The following ABCB4 variants were observed in gnomAD, a reference collection of about 807,000 sequenced individuals.
ABCB4 encodes ATP binding cassette subfamily B member 4.
In ABCB4, 76 loss-of-function variants were observed where a neutral mutation model predicts 145.7. That is an observed-to-expected ratio of 0.52 (90% confidence interval 0.43 to 0.63). The LOEUF (loss-of-function observed/expected upper bound fraction) is 0.63, where lower values mean the gene tolerates loss of function less well. Ranked by LOEUF, ABCB4 falls within the 30% of genes least tolerant of loss-of-function variation. The pLI, the probability that ABCB4 is intolerant of heterozygous loss-of-function variation, is 0.00. For missense variants in ABCB4, 1,234 were observed against 1,553.1 expected (o/e 0.79, Z 3.45); for synonymous variants, 517 against 566.8 (o/e 0.91, Z 1.25).
intron 25 of ABCB4, among the ~76,000 whole-genome samples, chr7:87,407,704 T>C (rs1440895162): frequency 6.6e-6 from 1 of 152,158 alleles, no homozygotes; most frequent in Non-Finnish European, 1.5e-5. Context: ...GTTTTGGAAG[T>C]CAGCTTTGAA....
intron 27 of ABCB4, among the ~76,000 whole-genome samples, 161 bp downstream of exon 27, chr7:87,402,974 G>A (rs1001633902): frequency 1.8e-4 from 27 of 152,150 alleles, no homozygotes; most frequent in African/African-American, 6.0e-4. Context: ...CTACAGCCTA[G>A]GCAACAACGA....
chr7:87,406,990 C>T (rs1808246498), intron 25 of ABCB4, among the ~76,000 whole-genome samples: 1 of 152,204 alleles, frequency 6.6e-6, no homozygotes, highest in Non-Finnish European at 1.5e-5. Flanking sequence ...AACTTTCCCT[C>T]ACCTCTCTGA....
At chr7:87,419,808 A>C (rs28583001) in intron 19 of ABCB4, among the ~76,000 whole-genome samples, 190 bp downstream of exon 19, 1 of 151,904 alleles carries the variant, frequency 6.6e-6, no homozygotes, top group Admixed American at 6.5e-5. Context: ...AAAAACAAAA[A>C]AAAAACAAAA....
the ABCB4 span, among the ~76,000 whole-genome samples, chr7:87,386,250 T>G: frequency 6.6e-6 from 1 of 152,202 alleles, no homozygotes; most frequent in Non-Finnish European, 1.5e-5. Context: ...GTATTAGTTC[T>G]TTTTTTAAAG....
intron 10 of ABCB4, 64 bp downstream of exon 10, chr7:87,444,798 A>G: frequency 7.9e-7 from 1 of 1,270,216 alleles, no homozygotes; most frequent in South Asian, 1.3e-5. Flanking sequence ...TATGCAAACT[A>G]AAGCCAGATT....
Position 87,475,640 on chromosome 7 carries a change from C to A in ABCB4, c.-13G>T. On this transcript the variant is annotated 5_prime_UTR_variant, in exon 1 of 28. Transcript: ENST00000649586. ...GCGCCCGGACCTCTCTCACCTCGAACCTCGCGCGTGTCTGGCAGGGCCTCT... is the reference window on the plus strand; with the variant it reads ...GCGCCCGGACCTCTCTCACCTCGAAACTCGCGCGTGTCTGGCAGGGCCTCT... 1 of 675,326 alleles carries A rather than the reference C, an allele frequency of 1.5e-6. No individual in the cohort carries two copies. 41.8% of individuals were successfully genotyped at this position (675,326 alleles called of 1,614,324 possible).
At position 87,444,899 on chromosome 7, in the gene ABCB4, C is replaced by A; in HGVS notation, c.1082G>T (p.Arg361Ile). The part of the protein sequence containing the change: ...APCIDAFANA[R>I]GAAYVIFDII... ...ATCAAAGATCACATATGCTGCTCCT[C>A]TTGCATTGGCAAAAGCATCAATACA... The change falls in exon 10 of 28, where the codon AGA (arginine) becomes ATA (isoleucine). Residue 361 changes from arginine to isoleucine, a missense_variant. This residue lies in a region of ABCB4 where 467 missense variants were observed against 632.8 expected (regional missense o/e 0.74). Transcript: ENST00000649586. 1 of 1,609,422 alleles carries A rather than the reference C, an allele frequency of 6.2e-7. No homozygotes were observed.
intron 17 of ABCB4, chr7:87,423,523 C>A (rs771908147): frequency 8.5e-5 from 27 of 318,868 alleles, no homozygotes; most frequent in Non-Finnish European, 1.3e-4. Context: ...TACCCAGTGC[C>A]TGGACTCTTA....
chr7:87,400,821 A>G (rs908183916), downstream of ABCB4, among the ~76,000 whole-genome samples: 10 of 152,256 alleles, frequency 6.6e-5, no homozygotes, highest in Admixed American at 1.3e-4. Flanking sequence ...CATTTTAGAT[A>G]AGAATACTCA....
At chr7:87,472,238 A>T (rs1297255971) in intron 3 of ABCB4, among the ~76,000 whole-genome samples, 2 of 152,226 alleles carry the variant, frequency 1.3e-5, no homozygotes, top group Middle Eastern at 3.4e-3. Flanking sequence ...GTTGTTTTTG[A>T]GACAGGGTCT....
intron 8 of ABCB4, 86 bp downstream of exon 8, chr7:87,449,882 G>T: frequency 6.2e-7 from 1 of 1,602,024 alleles, no homozygotes; most frequent in South Asian, 1.1e-5. Context: ...TTAGGAAAGG[G>T]AAGGTAAAAA....
At chr7:87,458,911 C>T (rs538420318) in intron 4 of ABCB4, among the ~76,000 whole-genome samples, 1 of 151,788 alleles carries the variant, frequency 6.6e-6, no homozygotes, top group Non-Finnish European at 1.5e-5. Flanking sequence ...GTGCCATTCC[C>T]CAGAGAGACC....
intron 9 of ABCB4, among the ~76,000 whole-genome samples, 162 bp from the exon 10 acceptor site, chr7:87,445,137 T>C (rs1280528478): frequency 6.6e-6 from 1 of 152,208 alleles, no homozygotes. Context: ...AATATAGCAT[T>C]TTATTGCCTG....
At chr7:87,371,989 G>A in the ABCB4 span, among the ~76,000 whole-genome samples, 5 of 111,596 alleles carry the variant, frequency 4.5e-5, no homozygotes, top group East Asian at 2.5e-4. Flanking sequence ...GCAAGACGCT[G>A]TCTCAAAAAA....
In ABCB4 at chr7:87,453,049, C is replaced by T. The variant is rs863225299; in HGVS notation, c.431G>A (p.Arg144Gln). ...QVSFWTLAAG[R>Q]QIRKIRQKFF... Reference sequence around the variant, plus strand: ...CTTCTGCCTAATTTTCCTGATCTGTCGACCAGCTGCCAAAGTCCAAAATGA... The same window carrying T: ...CTTCTGCCTAATTTTCCTGATCTGTTGACCAGCTGCCAAAGTCCAAAATGA... Residue 144 changes from arginine to glutamine, a missense_variant, in exon 6 of 28, where the codon CGA (arginine) becomes CAA (glutamine). Around this residue, in one of 7 missense-constraint regions of ABCB4, gnomAD observed 467 missense variants for 632.8 expected, o/e 0.74. Coordinates refer to ENST00000649586, the MANE Select transcript of ABCB4 (RefSeq NM_000443.4). The T allele has an allele frequency of 6.8e-6, 11 of 1,613,942 alleles. No homozygotes were observed. The highest frequency in any genetic ancestry group is 1.7e-5 in the Admixed American group (1 of 59,976).
rs372187960 is a variant in ABCB4 at position 87,412,084 on chromosome 7, G to A, written c.2784-51C>T. The A allele has an allele frequency of 1.0e-4, 162 of 1,608,394 alleles. 1 individual carries two copies. The highest frequency in any genetic ancestry group is 6.6e-4 in the Middle Eastern group (4 of 6,048). ...AACCATCTCTTCAGCCTCCTTTAGC[G>A]CTGTGTAGTGGAAAGAGCACGGCTT... On this transcript the variant is annotated intron_variant, in intron 22 of 27. Transcript: ENST00000649586.
At chr7:87,430,270 A>G (rs1481825867) in intron 15 of ABCB4, among the ~76,000 whole-genome samples, 1 of 152,234 alleles carries the variant, frequency 6.6e-6, no homozygotes, top group African/African-American at 2.4e-5. Flanking sequence ...CATTAAAATA[A>G]TAGTATGTGG....
rs112610863 is a variant in ABCB4 at position 87,417,413 on chromosome 7, A to C, written c.2581T>G (p.Leu861Val). Residue 861 changes from leucine (L) to valine (V), a missense_variant, in exon 21 of 28, where the codon TTA (leucine) becomes GTA (valine). By Grantham distance (32) the Leu-to-Val change is conservative (BLOSUM62 1). Coordinates refer to ENST00000649586, the MANE Select transcript of ABCB4 (RefSeq NM_000443.4). ...IYGWQLTLLL[L>V]AVVPIIAVSG... ...ACAGCAATAATTGGAACAACTGCTA[A>C]TAGCAATAGGGTTAACTGCCAACCG... 30 of 1,614,154 alleles carry C rather than the reference A, an allele frequency of 1.9e-5. 1 individual carries two copies. The African/African-American group carries it at 2.7e-4, about 14-fold the overall frequency.
the ABCB4 span, chr7:87,375,418 GAAATT>G: frequency 3.8e-5 from 18 of 472,670 alleles, no homozygotes; most frequent in African/African-American, 3.3e-4. Flanking sequence ...TTTATTTACT[GAAATT>G]AAATTATTGT....
Sources: allele counts gnomAD v4.1 joint callset (sites outside exome capture counted in the v4.1 genomes callset), GRCh38; gene constraint gnomAD v4.1.1; regional missense constraint gnomAD v4.1.1; transcripts MANE v1.5; gene names NCBI Gene and HGNC (gene_info 2026-07-23, HGNC 2026-07-21).